The following NCKAP5 variants were observed in gnomAD, a reference collection of about 807,000 sequenced individuals.
NCKAP5 encodes NCK associated protein 5.
Under a neutral mutation model 167.0 loss-of-function variants are expected in NCKAP5, and 92 were observed. The ratio of observed to expected loss-of-function variants is 0.55; its 90% CI spans 0.47 to 0.66. NCKAP5 has a LOEUF of 0.66. NCKAP5 is among the 30% of genes least tolerant of loss of function. The pLI is 0.00. For synonymous variants in NCKAP5, 891 were observed against 877.4 expected (o/e 1.02, Z -0.27); for missense variants, 2,378 against 2,315.0 (o/e 1.03, Z -0.56).
intron 3 of NCKAP5, among the ~76,000 whole-genome samples, chr2:133,389,919 G>C (rs544872656): frequency 6.6e-6 from 1 of 152,246 alleles, no homozygotes; most frequent in South Asian, 2.1e-4. Context: ...AATACATTGT[G>C]CCAAGAGCAG....
At chr2:132,730,760 T>C (rs1690919895) in intron 17 of NCKAP5, among the ~76,000 whole-genome samples, 1 of 152,240 alleles carries the variant, frequency 6.6e-6, no homozygotes, top group Non-Finnish European at 1.5e-5. Context: ...GCTGTGTCAT[T>C]AATTAACAAC....
At chr2:133,493,766 G>A (rs1681682327) in intron 3 of NCKAP5, among the ~76,000 whole-genome samples, 1 of 152,218 alleles carries the variant, frequency 6.6e-6, no homozygotes, top group African/African-American at 2.4e-5. Flanking sequence ...GTACACAGAA[G>A]AGTGATACAT....
At chr2:133,287,327 TA>T (rs1164071553) in intron 4 of NCKAP5, among the ~76,000 whole-genome samples, 1 of 152,202 alleles carries the variant, frequency 6.6e-6, no homozygotes, top group Non-Finnish European at 1.5e-5. Flanking sequence ...TGATATGGTC[TA>T]ACTAGCAACT....
At chr2:133,437,128 C>T (rs555555142) in intron 3 of NCKAP5, among the ~76,000 whole-genome samples, 7 of 152,126 alleles carry the variant, frequency 4.6e-5, no homozygotes, top group African/African-American at 9.6e-5. Flanking sequence ...TCGAGGCGGG[C>T]GGATCACGAG....
chr2:132,971,918 G>A (rs75125421), intron 7 of NCKAP5, among the ~76,000 whole-genome samples: 2,278 of 152,208 alleles, frequency 0.015, 56 homozygotes, highest in African/African-American at 0.052. Flanking sequence ...GAACACTACA[G>A]GTAATTCTAA....
chr2:133,086,479 A>C (rs1389090076), intron 6 of NCKAP5, among the ~76,000 whole-genome samples: 5 of 152,074 alleles, frequency 3.3e-5, no homozygotes, highest in Admixed American at 3.3e-4. Context: ...TCTCTACAAA[A>C]AAATCTTTAA....
rs149086648 is a variant in NCKAP5 at position 133,464,280 on chromosome 2, A to G, written c.69+53178T>C. 4.0e-3 allele frequency among the ~76,000 whole-genome samples: 613 copies of G among 152,358 alleles called. 3 individuals are homozygous for G. The highest frequency in any genetic ancestry group is 0.014 in the African/African-American group (577 of 41,584). On this transcript the variant is annotated intron_variant, in intron 3 of 19. Transcript: ENST00000409261. ...AACTTTTACCTTTTCACTTAAAGGA[A>G]GTACCTTATGGCTTCTCTTTGACAT...
chr2:133,219,115 C>T (rs1001556550), intron 4 of NCKAP5, among the ~76,000 whole-genome samples: 2 of 152,162 alleles, frequency 1.3e-5, no homozygotes, highest in Non-Finnish European at 2.9e-5. Context: ...AAACTAGAAA[C>T]ACCGTTTTAT....
At chr2:133,197,857 G>A (rs4953878) in intron 5 of NCKAP5, among the ~76,000 whole-genome samples, 60,042 of 152,002 alleles carry the variant, frequency 0.4, 13,922 homozygotes, top group Non-Finnish European at 0.51. Flanking sequence ...GGCTGAGGCA[G>A]GGGAATCGCT....
At chr2:133,388,707 T>C (rs1416377296) in intron 3 of NCKAP5, among the ~76,000 whole-genome samples, 1 of 152,208 alleles carries the variant, frequency 6.6e-6, no homozygotes, top group Non-Finnish European at 1.5e-5. Flanking sequence ...CCCGGCCACT[T>C]TGTTTACCTA....
chr2:133,565,611 C>A (rs971397500), intron 1 of NCKAP5, among the ~76,000 whole-genome samples: 1 of 152,170 alleles, frequency 6.6e-6, no homozygotes, highest in Non-Finnish European at 1.5e-5. Context: ...GATTAGCCAT[C>A]AGGCCCAGAA....
chr2:133,603,074 C>T, the NCKAP5 span, among the ~76,000 whole-genome samples: 2 of 152,054 alleles, frequency 1.3e-5, no homozygotes, highest in African/African-American at 2.4e-5. Context: ...CGATGTTTAT[C>T]GGATAGCCAA....
At chr2:133,104,141 C>G (rs1214142744) in intron 6 of NCKAP5, among the ~76,000 whole-genome samples, 1 of 150,060 alleles carries the variant, frequency 6.7e-6, no homozygotes, top group East Asian at 1.9e-4. Context: ...AACTATAGAT[C>G]TAAAAAAAAA....
At chr2:132,689,385 G>C (rs1395188874) in intron 19 of NCKAP5, among the ~76,000 whole-genome samples, 1 of 152,206 alleles carries the variant, frequency 6.6e-6, no homozygotes, top group Non-Finnish European at 1.5e-5. Flanking sequence ...GAGGGAGAAG[G>C]ATAATGCAGT....
At chr2:133,362,460 G>T (rs1478256002) in intron 3 of NCKAP5, among the ~76,000 whole-genome samples, 1 of 152,146 alleles carries the variant, frequency 6.6e-6, no homozygotes, top group East Asian at 1.9e-4. Context: ...GTGTTTGTTT[G>T]TTTTTAGAAC....
intron 4 of NCKAP5, among the ~76,000 whole-genome samples, chr2:133,259,015 G>A (rs538460155): frequency 1.3e-5 from 2 of 152,268 alleles, no homozygotes; most frequent in Admixed American, 1.3e-4. Flanking sequence ...GCATGCATGT[G>A]ATGACCCATA....
the NCKAP5 span, among the ~76,000 whole-genome samples, chr2:133,632,122 G>C: frequency 6.6e-6 from 1 of 152,214 alleles, no homozygotes; most frequent in Non-Finnish European, 1.5e-5. Flanking sequence ...AGCTGCAGTG[G>C]TGATGTCAGG....
intron 6 of NCKAP5, among the ~76,000 whole-genome samples, chr2:133,072,017 A>T (rs763693938): frequency 6.6e-6 from 1 of 151,262 alleles, no homozygotes; most frequent in Non-Finnish European, 1.5e-5. Context: ...TGCTGGGCCC[A>T]TTCTTACAAG....
intron 3 of NCKAP5, among the ~76,000 whole-genome samples, chr2:133,363,275 C>A (rs1212564384): frequency 6.6e-6 from 1 of 152,048 alleles, no homozygotes; most frequent in Non-Finnish European, 1.5e-5. Flanking sequence ...ACAAATCTAA[C>A]CCACTGCCCA....
Sources: allele counts gnomAD v4.1 joint callset (sites outside exome capture counted in the v4.1 genomes callset), GRCh38; gene constraint gnomAD v4.1.1; transcripts MANE v1.5; gene names NCBI Gene and HGNC (gene_info 2026-07-23, HGNC 2026-07-21).